Variants in SNTG1 observed in about 807,000 individuals in gnomAD.
SNTG1 encodes the protein gamma-1-syntrophin.
In SNTG1, 39 loss-of-function variants were observed where a neutral mutation model predicts 74.7. That is an observed-to-expected ratio of 0.52 (90% CI 0.40 to 0.68). The LOEUF is 0.68. Among genes scored for constraint, SNTG1 ranks in the 30% least tolerant of loss-of-function variants. The probability of loss-of-function intolerance (pLI) is 0.00; values close to 1 mark genes in which losing one functional copy is unlikely to be tolerated. For missense variants in SNTG1, 685 were observed against 609.5 expected, an observed-to-expected ratio of 1.12 and a Z score of -1.30; for synonymous variants, 254 against 217.1, an observed-to-expected ratio of 1.17 and a Z score of -1.49.
chr8:50,347,957 A>ATGAAGG lies in SNTG1; in HGVS notation c.-27-46255_-27-46254insTGAAGG, dbSNP rs1201704528. Among the ~76,000 whole-genome samples, 30 of 152,232 alleles carry ATGAAGG rather than the reference A, an allele frequency of 2.0e-4. 2 individuals are homozygous for ATGAAGG. The highest frequency in any genetic ancestry group is 5.2e-4 in the Admixed American group (8 of 15,284). ...ATGAAAATATATATGATATAATGTTACAGGATGTTTGCTTTCACTTCCCCA... is the reference window on the plus strand; with the variant it reads ...ATGAAAATATATATGATATAATGTTATGAAGGCAGGATGTTTGCTTTCACTTCCCCA... On this transcript the variant is annotated intron_variant, in intron 2 of 18. Coordinates refer to ENST00000642720, the MANE Select transcript of SNTG1 (RefSeq NM_018967.5).
intron 1 of SNTG1, among the ~76,000 whole-genome samples, chr8:49,944,007 G>A (rs984298505): frequency 1.3e-5 from 2 of 151,996 alleles, no homozygotes; most frequent in East Asian, 1.9e-4. Context: ...GTAGAATTAA[G>A]GAATTTTATC....
chr8:49,923,918 G>A (rs1013240893), intron 1 of SNTG1, among the ~76,000 whole-genome samples: 1 of 152,148 alleles, frequency 6.6e-6, no homozygotes, highest in East Asian at 1.9e-4. Context: ...AAGTGAATTA[G>A]CAATAAATAT....
intron 2 of SNTG1, among the ~76,000 whole-genome samples, chr8:50,362,322 T>C (rs1003199149): frequency 3.3e-5 from 5 of 152,122 alleles, no homozygotes; most frequent in Non-Finnish European, 4.4e-5. Context: ...AGTAAACATA[T>C]ACACAAAACA....
At chr8:50,619,747 A>T in intron 13 of SNTG1, among the ~76,000 whole-genome samples, 1 of 151,572 alleles carries the variant, frequency 6.6e-6, no homozygotes, top group South Asian at 2.1e-4. Context: ...AAAAAAAAAA[A>T]AAAGAAAGAT....
intron 1 of SNTG1, among the ~76,000 whole-genome samples, chr8:50,124,613 A>C (rs375384413): frequency 3.5e-5 from 5 of 142,404 alleles, no homozygotes; most frequent in African/African-American, 1.3e-4. Context: ...TGGACTTTGA[A>C]GCTTTACTTT....
intron 15 of SNTG1, among the ~76,000 whole-genome samples, chr8:50,693,338 G>A (rs1266607404): frequency 6.6e-6 from 1 of 152,112 alleles, no homozygotes; most frequent in Non-Finnish European, 1.5e-5. Context: ...CCCGTCTTCT[G>A]CATCACTCAC....
intron 4 of SNTG1, among the ~76,000 whole-genome samples, chr8:50,406,501 C>T (rs1342216317): frequency 6.6e-6 from 1 of 152,050 alleles, no homozygotes; most frequent in East Asian, 1.9e-4. Flanking sequence ...TTTACTTATT[C>T]CTTTCAAATT....
intron 2 of SNTG1, among the ~76,000 whole-genome samples, chr8:50,380,112 G>A (rs926306810): frequency 6.6e-6 from 1 of 152,192 alleles, no homozygotes; most frequent in Non-Finnish European, 1.5e-5. Flanking sequence ...TCTGAGTTAT[G>A]CCACTATTAT....
At chr8:50,463,331 A>G (rs1177330102) in intron 8 of SNTG1, among the ~76,000 whole-genome samples, 1 of 152,150 alleles carries the variant, frequency 6.6e-6, no homozygotes, top group East Asian at 1.9e-4. Context: ...TTTTAAATCA[A>G]CTTGGCCCAG....
chr8:50,381,430 G>A (rs2092477122), intron 2 of SNTG1, among the ~76,000 whole-genome samples: 1 of 150,616 alleles, frequency 6.6e-6, no homozygotes, highest in Non-Finnish European at 1.5e-5. Context: ...ATGGGAAGAT[G>A]AATGTGTCTC....
chr8:50,434,760 C>T (rs2093282798), intron 4 of SNTG1, among the ~76,000 whole-genome samples: 1 of 152,146 alleles, frequency 6.6e-6, no homozygotes, highest in African/African-American at 2.4e-5. Context: ...CTCATTATTC[C>T]TTTTCCAACT....
chr8:50,761,896 T>C (rs1585730557), intron 18 of SNTG1, among the ~76,000 whole-genome samples: 1 of 151,976 alleles, frequency 6.6e-6, no homozygotes, highest in South Asian at 2.1e-4. Flanking sequence ...ATGTAAGAAG[T>C]GTTAAATAAT....
chr8:50,000,950 TC>T (rs1814686255), intron 1 of SNTG1, among the ~76,000 whole-genome samples: 1 of 152,220 alleles, frequency 6.6e-6, no homozygotes, highest in Non-Finnish European at 1.5e-5. Flanking sequence ...TCAAAGCCTT[TC>T]TTTTGCCTTC....
chr8:50,734,769 A>G (rs919861829), intron 17 of SNTG1, among the ~76,000 whole-genome samples: 3 of 107,104 alleles, frequency 2.8e-5, no homozygotes, highest in Non-Finnish European at 5.0e-5. Context: ...ATATATATGG[A>G]CATATATATA....
intron 13 of SNTG1, among the ~76,000 whole-genome samples, chr8:50,626,527 C>T (rs773108401): frequency 6.6e-6 from 1 of 152,160 alleles, no homozygotes; most frequent in Non-Finnish European, 1.5e-5. Context: ...TGACAGCAAG[C>T]CAGTGATAAG....
chr8:50,174,140 A>T (rs1450920038), intron 2 of SNTG1, among the ~76,000 whole-genome samples: 3 of 152,162 alleles, frequency 2.0e-5, no homozygotes, highest in African/African-American at 7.2e-5. Flanking sequence ...TTCCAGCTTC[A>T]TCCACGTCCC....
intron 18 of SNTG1, among the ~76,000 whole-genome samples, chr8:50,783,162 G>A (rs2095664943): frequency 6.6e-6 from 1 of 152,210 alleles, no homozygotes; most frequent in African/African-American, 2.4e-5. Context: ...ACCCACTTGA[G>A]GAGGCAGTCT....
intron 8 of SNTG1, among the ~76,000 whole-genome samples, chr8:50,459,411 TAA>T (rs1202669218): frequency 2.6e-5 from 4 of 152,210 alleles, no homozygotes; most frequent in African/African-American, 7.2e-5. Context: ...TGAATCATCA[TAA>T]GAGAGGAGGT....
intron 15 of SNTG1, among the ~76,000 whole-genome samples, chr8:50,696,882 C>T (rs76342487): frequency 1.3e-5 from 2 of 151,970 alleles, no homozygotes; most frequent in South Asian, 2.1e-4. Context: ...TAATGTGATG[C>T]CTCCAGCTTT....
Sources: gnomAD v4.1 joint callset for allele counts (sites outside exome capture counted in the v4.1 genomes callset) on GRCh38, gnomAD v4.1.1 for gene constraint, MANE v1.5 for transcripts, NCBI Gene and HGNC (gene_info 2026-07-23, HGNC 2026-07-21) for gene names.